MBP: variants seen among roughly 807,000 people sequenced by gnomAD.
MBP encodes the protein myelin basic protein.
A neutral mutation model predicts 35.8 loss-of-function variants in MBP; 16 were observed. The observed-to-expected ratio is 0.45, with a 90% CI of 0.30 to 0.68. The LOEUF (loss-of-function observed/expected upper bound fraction) is 0.68, where lower values mean the gene tolerates loss of function less well. Ranked by LOEUF, MBP falls within the 30% of genes least tolerant of loss-of-function variation. The pLI, the probability that MBP is intolerant of heterozygous loss-of-function variation, is 0.08. For missense variants in MBP, 380 were observed against 404.7 expected, an observed-to-expected ratio of 0.94 and a Z score of 0.52; for synonymous variants, 143 against 159.6, an observed-to-expected ratio of 0.90 and a Z score of 0.78.
In MBP at chr18:77,090,672, C is replaced by T. The variant is rs564577307; in HGVS notation, c.51+14539G>A. On this transcript the variant is annotated intron_variant, in intron 2 of 8. Transcript: ENST00000355994. ...TCCTAACACCTCACTTTGGACACGTCTATCCTCCCGGCTCTCGGGCTTTCC... is the reference window on the plus strand; with the variant it reads ...TCCTAACACCTCACTTTGGACACGTTTATCCTCCCGGCTCTCGGGCTTTCC... 1.2e-4 allele frequency among the ~76,000 whole-genome samples: 18 copies of T among 152,334 alleles called. 1 individual carries two copies. The East Asian group carries it at 3.1e-3, about 26-fold the overall frequency.
chr18:77,122,178 T>A (rs964153986), intron 1 of MBP, among the ~76,000 whole-genome samples: 2 of 152,174 alleles, frequency 1.3e-5, no homozygotes, highest in African/African-American at 4.8e-5. Context: ...TGCACTATGG[T>A]AGACATCAGT....
intron 2 of MBP, among the ~76,000 whole-genome samples, chr18:77,096,643 T>C (rs1042135567): frequency 6.6e-6 from 1 of 152,216 alleles, no homozygotes; most frequent in Non-Finnish European, 1.5e-5. Context: ...TAGAACCTTT[T>C]TGAGCCTGAT....
chr18:77,076,444 A>G (rs1021630504), intron 2 of MBP, among the ~76,000 whole-genome samples: 1 of 152,250 alleles, frequency 6.6e-6, no homozygotes, highest in Non-Finnish European at 1.5e-5. Flanking sequence ...CTGCACCTGC[A>G]GAGGGCTTGG....
chr18:76,998,866 G>A (rs530135702), intron 4 of MBP, among the ~76,000 whole-genome samples: 1 of 152,158 alleles, frequency 6.6e-6, no homozygotes, highest in East Asian at 1.9e-4. Context: ...CCACAAACCC[G>A]GCTCAGCTCA....
At chr18:76,994,796 A>G (rs1210193886) in intron 4 of MBP, among the ~76,000 whole-genome samples, 4 of 152,210 alleles carry the variant, frequency 2.6e-5, no homozygotes, top group African/African-American at 9.6e-5. Flanking sequence ...TGTTGAATTA[A>G]CATGTAGGCT....
At chr18:77,096,279 A>T (rs1172959533) in intron 2 of MBP, among the ~76,000 whole-genome samples, 1 of 152,242 alleles carries the variant, frequency 6.6e-6, no homozygotes, top group Non-Finnish European at 1.5e-5. Flanking sequence ...ATATTTGCAA[A>T]CTAAATGTCT....
At chr18:77,080,855 G>T (rs1160588744) in intron 2 of MBP, among the ~76,000 whole-genome samples, 2 of 151,970 alleles carry the variant, frequency 1.3e-5, no homozygotes, top group African/African-American at 4.8e-5. Flanking sequence ...GCTAACTGTT[G>T]TATTTTTAGT....
At chr18:77,095,388 A>G (rs1975716018) in intron 2 of MBP, 1 of 152,226 alleles carries the variant, frequency 6.6e-6, no homozygotes, top group African/African-American at 2.4e-5. Context: ...GAAATTTTAC[A>G]CGTACAGATC....
chr18:77,013,121 A>G (rs1030274386), intron 4 of MBP: 2 of 985,300 alleles, frequency 2.0e-6, no homozygotes, highest in Admixed American at 1.2e-4. Context: ...TTTGAGAGGA[A>G]TGCCTATAAG....
At chr18:77,037,631 G>A (rs762959681) in intron 3 of MBP, among the ~76,000 whole-genome samples, 2 of 152,218 alleles carry the variant, frequency 1.3e-5, no homozygotes, top group Non-Finnish European at 2.9e-5. Context: ...TTTTGTGACT[G>A]AGCAGGTAAT....
intron 7 of MBP, chr18:76,985,307 C>T (rs1310495197): frequency 1.5e-6 from 2 of 1,298,794 alleles, no homozygotes; most frequent in Non-Finnish European, 2.0e-6. Context: ...CCCTGGGGGG[C>T]TGTGCGCTGT....
At chr18:77,052,969 G>A (rs12607027) in intron 3 of MBP, among the ~76,000 whole-genome samples, 30,913 of 152,172 alleles carry the variant, frequency 0.2, 3,598 homozygotes, top group South Asian at 0.32. Context: ...GGGGAACATG[G>A]GTGTGAGTCC....
chr18:77,016,232 T>C, intron 4 of MBP: 2 of 985,128 alleles, frequency 2.0e-6, no homozygotes, highest in Non-Finnish European at 2.4e-6. Flanking sequence ...TGCAAATTAA[T>C]GGAATCACAA....
At chr18:77,056,349 CCTTGTCT>C (rs569066459) in intron 3 of MBP, among the ~76,000 whole-genome samples, 1 of 152,226 alleles carries the variant, frequency 6.6e-6, no homozygotes, top group Non-Finnish European at 1.5e-5. Flanking sequence ...GCCCCAACTT[CCTTGTCT>C]CTAGAAAACT....
intron 4 of MBP, 23 bp from the exon 5 acceptor site, chr18:76,990,083 C>A: frequency 1.3e-6 from 2 of 1,546,744 alleles, no homozygotes; most frequent in South Asian, 1.1e-5. Flanking sequence ...GGCGCGGTGA[C>A]CTCAGGACAA....
At chr18:76,993,986 C>A (rs1353944263) in intron 4 of MBP, among the ~76,000 whole-genome samples, 1 of 152,234 alleles carries the variant, frequency 6.6e-6, no homozygotes, top group Non-Finnish European at 1.5e-5. Flanking sequence ...TTCTCTGATT[C>A]TCCTTGTGTC....
intron 4 of MBP, among the ~76,000 whole-genome samples, chr18:76,993,857 C>T (rs550219903): frequency 4.7e-4 from 72 of 152,292 alleles, no homozygotes; most frequent in African/African-American, 1.5e-3. Context: ...AGGCAGGTGC[C>T]GTGGGCCTTT....
chr18:77,014,758 C>A (rs772998874), intron 4 of MBP: 1 of 985,232 alleles, frequency 1.0e-6, no homozygotes, highest in South Asian at 4.7e-5. Context: ...TGCGCTCCCC[C>A]GGGATGCCTC....
intron 2 of MBP, among the ~76,000 whole-genome samples, chr18:77,085,705 GAC>G (rs1975201753): frequency 1.4e-5 from 1 of 70,876 alleles, no homozygotes; most frequent in African/African-American, 3.7e-5. Flanking sequence ...TTTTTTTTGA[GAC>G]AGAGTCTTGC....
Sources: allele counts gnomAD v4.1 joint callset (sites outside exome capture counted in the v4.1 genomes callset), GRCh38; gene constraint gnomAD v4.1.1; transcripts MANE v1.5; gene names NCBI Gene and HGNC (gene_info 2026-07-23, HGNC 2026-07-21).